BAZ1A: variants seen among roughly 807,000 people sequenced by gnomAD.
BAZ1A encodes the protein bromodomain adjacent to zinc finger domain 1A.
BAZ1A carries 50 observed loss-of-function variants against 185.2 expected under a neutral mutation model. The ratio of observed to expected loss-of-function variants is 0.27; its 90% CI spans 0.22 to 0.34. The LOEUF is 0.34. Among genes scored for constraint, BAZ1A ranks in the 10% least tolerant of loss-of-function variants. The pLI, the probability that BAZ1A is intolerant of heterozygous loss-of-function variation, is 1.00. For missense variants in BAZ1A, 1,356 were observed against 1,839.9 expected, an observed-to-expected ratio of 0.74 and a Z score of 4.81; for synonymous variants, 571 against 615.6, an observed-to-expected ratio of 0.93 and a Z score of 1.07.
Position 34,785,760 on chromosome 14 carries a change from C to T in BAZ1A, c.1831+17G>A. ...GGAAGTGGGCAGGTTATGCAAATTC[C>T]AACTTGCAAAGCTTACCTGGTGTCA... On this transcript the variant is annotated intron_variant, in intron 14 of 26. Coordinates refer to ENST00000360310, the MANE Select transcript of BAZ1A (RefSeq NM_013448.3). 1.2e-6 allele frequency: 2 copies of T among 1,610,666 alleles called. No homozygotes were observed. The highest frequency in any genetic ancestry group is 1.7e-6 in the Non-Finnish European group (2 of 1,177,908).
chr14:34,824,307 G>C (rs1186733362), intron 4 of BAZ1A, among the ~76,000 whole-genome samples: 1 of 126,072 alleles, frequency 7.9e-6, no homozygotes, highest in Non-Finnish European at 1.6e-5. Flanking sequence ...CCAGAAGTTT[G>C]AAGCTGCAGT....
intron 3 of BAZ1A, among the ~76,000 whole-genome samples, chr14:34,840,478 G>T (rs942123471): frequency 6.6e-6 from 1 of 152,106 alleles, no homozygotes; most frequent in Non-Finnish European, 1.5e-5. Flanking sequence ...ATAAAATTAG[G>T]CTGGGCGAGA....
chr14:34,783,046 T>C lies in BAZ1A; in HGVS notation c.2111+73A>G, dbSNP rs1880148630. ...CTTTTCTAAAAATGTGAAAGCATTT[T>C]TAGAGTTTAAGGTGTCTGGTTTTTA... On this transcript the variant is annotated intron_variant, in intron 16 of 26. Coordinates refer to ENST00000360310, the MANE Select transcript of BAZ1A (RefSeq NM_013448.3). The C allele has an allele frequency of 3.4e-6, 4 of 1,170,970 alleles. No individual in the cohort carries two copies. In the Admixed American group the frequency reaches 9.2e-5, roughly 27 times the overall value. 72.5% of individuals were successfully genotyped at this position (1,170,970 alleles called of 1,614,324 possible). A position where few individuals can be genotyped will look rare whatever the true frequency, so the allele number is the denominator to read the frequency against.
chr14:34,773,505 A>C (rs868481030), intron 20 of BAZ1A, 67 bp downstream of exon 20: 960 of 496,068 alleles, frequency 1.9e-3, no homozygotes, highest in African/African-American at 0.019. Flanking sequence ...TTAAAAACCA[A>C]AAAAAAAAAA....
chr14:34,840,233 C>CA (rs1252872053), intron 3 of BAZ1A, among the ~76,000 whole-genome samples: 3 of 152,004 alleles, frequency 2.0e-5, no homozygotes, highest in Non-Finnish European at 4.4e-5. Context: ...TTGTGTAATG[C>CA]AAAAAATATG....
At chr14:34,784,319 G>C (rs1880264134) in intron 14 of BAZ1A, among the ~76,000 whole-genome samples, 1 of 119,370 alleles carries the variant, frequency 8.4e-6, no homozygotes, top group Non-Finnish European at 1.6e-5. Context: ...GTTGCGCCAA[G>C]ATCGCACCAC....
At chr14:34,775,413 C>G (rs1461875544) in intron 18 of BAZ1A, among the ~76,000 whole-genome samples, 1 of 152,186 alleles carries the variant, frequency 6.6e-6, no homozygotes, top group Non-Finnish European at 1.5e-5. Context: ...TATAAAAACT[C>G]ACATCTAAAA....
rs770632374 is a variant in BAZ1A, at chr14:34,762,120, A to G, written c.3880T>C (p.Tyr1294His). 3.1e-6 allele frequency: 5 copies of G among 1,614,178 alleles called. No homozygotes were observed. In the South Asian group the frequency reaches 4.4e-5, roughly 14 times the overall value. Residue 1294 changes from tyrosine (Y) to histidine (H), a missense_variant, in exon 24 of 27, where the codon TAC (tyrosine) becomes CAC (histidine). Around this residue, in one of 7 missense-constraint regions of BAZ1A, gnomAD observed 309 missense variants for 355.3 expected, o/e 0.87. Coordinates refer to ENST00000360310, the MANE Select transcript of BAZ1A (RefSeq NM_013448.3). Reference sequence around the variant, plus strand: ...GTGCTCTGCTGACTCCTTGAAGGGTATCTTCCAGGTTCTTGTTGTTGGCCA... The same window carrying G: ...GTGCTCTGCTGACTCCTTGAAGGGTGTCTTCCAGGTTCTTGTTGTTGGCCA... ...SRGQQQEPGR[Y>H]PSRSQQSTPK...
At chr14:34,811,581 G>A (rs563046719) in intron 4 of BAZ1A, among the ~76,000 whole-genome samples, 2 of 151,940 alleles carry the variant, frequency 1.3e-5, no homozygotes, top group South Asian at 2.1e-4. Context: ...CTACCTTGGC[G>A]TCCCAAAGTG....
intron 12 of BAZ1A, among the ~76,000 whole-genome samples, chr14:34,788,315 T>C (rs748353890): frequency 1.3e-5 from 2 of 152,002 alleles, no homozygotes; most frequent in African/African-American, 2.4e-5. Context: ...TTTTTCTTTT[T>C]CTTTTTGAGA....
At position 34,843,486 on chromosome 14, in the gene BAZ1A, G is replaced by A. The variant is rs550376302; in HGVS notation, c.393-17330C>T. 2.6e-5 allele frequency among the ~76,000 whole-genome samples: 4 copies of A among 152,172 alleles called. No individual in the cohort carries two copies. In the East Asian group the frequency reaches 5.8e-4, roughly 22 times the overall value. The stretch of plus-strand genomic sequence containing the variant: ...TGGACTTTAGCTACCTCAGTCTGAG[G>A]CCCCAGACATGTAAGGCTATCCTAG... On this transcript the variant is annotated intron_variant, in intron 3 of 26. Coordinates refer to ENST00000360310, the MANE Select transcript of BAZ1A (RefSeq NM_013448.3).
chr14:34,779,965 G>C (rs75096261), intron 17 of BAZ1A, among the ~76,000 whole-genome samples: 9,657 of 152,160 alleles, frequency 0.063, 415 homozygotes, highest in Non-Finnish European at 0.099. Context: ...CTAAAGTATA[G>C]ATGGTGTGTA....
At chr14:34,840,650 T>C (rs769106706) in intron 3 of BAZ1A, among the ~76,000 whole-genome samples, 1 of 151,944 alleles carries the variant, frequency 6.6e-6, no homozygotes, top group Non-Finnish European at 1.5e-5. Context: ...TCCCAGCTAC[T>C]CGGGATGCTG....
intron 2 of BAZ1A, among the ~76,000 whole-genome samples, chr14:34,866,772 T>C (rs1433399643): frequency 6.6e-6 from 1 of 152,002 alleles, no homozygotes; most frequent in East Asian, 1.9e-4. Context: ...AATCTAAACA[T>C]CTTATACTTT....
intron 18 of BAZ1A, among the ~76,000 whole-genome samples, chr14:34,775,090 C>T (rs902724428): frequency 3.3e-5 from 5 of 151,934 alleles, no homozygotes; most frequent in African/African-American, 1.2e-4. Context: ...GTGGCGGGCG[C>T]CTGTTATCCC....
In BAZ1A at chr14:34,753,412, GTCAA is replaced by G. The variant is rs747623164; in HGVS notation, c.*92_*95del. 11 of 1,133,708 alleles carry G rather than the reference GTCAA, an allele frequency of 9.7e-6. No individual in the cohort carries two copies. The highest frequency in any genetic ancestry group is 2.2e-4 in the Middle Eastern group (1 of 4,458). The allele number at this position is 1,133,708 out of a possible 1,614,324, so 70.2% of individuals were successfully genotyped here. A position where few individuals can be genotyped will look rare whatever the true frequency, so the allele number is the denominator to read the frequency against. ...ATAGTGCAGGCCACACTTTCATGTG[GTCAA>G]TCAATTGTTATTGCTTTATACAGCA... On this transcript the variant is annotated 3_prime_UTR_variant, in exon 27 of 27. Coordinates refer to ENST00000360310, the MANE Select transcript of BAZ1A (RefSeq NM_013448.3).
At chr14:34,868,959 C>T (rs565601360) in intron 2 of BAZ1A, among the ~76,000 whole-genome samples, 2 of 147,666 alleles carry the variant, frequency 1.4e-5, no homozygotes, top group African/African-American at 5.0e-5. Context: ...ATAATATATA[C>T]GTATATATTA....
intron 2 of BAZ1A, among the ~76,000 whole-genome samples, chr14:34,869,022 CG>C (rs1482624465): frequency 2.0e-5 from 3 of 150,308 alleles, no homozygotes; most frequent in African/African-American, 7.4e-5. Context: ...CTGGCTAACA[CG>C]GTGAAACCTC....
At chr14:34,786,402 T>G in intron 12 of BAZ1A, 181 bp from the exon 13 acceptor site, 1 of 559,336 alleles carries the variant, frequency 1.8e-6, no homozygotes, top group Non-Finnish European at 3.1e-6. Context: ...CTATAAATCC[T>G]AAACCAAGCA....
Sources: allele counts gnomAD v4.1 joint callset (sites outside exome capture counted in the v4.1 genomes callset), GRCh38; gene constraint gnomAD v4.1.1; regional missense constraint gnomAD v4.1.1; transcripts MANE v1.5; gene names NCBI Gene and HGNC (gene_info 2026-07-23, HGNC 2026-07-21).